TMEM132D: variants seen among roughly 807,000 people sequenced by gnomAD.
TMEM132D encodes transmembrane protein 132D, also known as mature OL transmembrane protein.
In TMEM132D, 21 loss-of-function variants were observed where a neutral mutation model predicts 62.3. The ratio of observed to expected loss-of-function variants is 0.34; its 90% CI spans 0.24 to 0.49. The LOEUF is 0.49. Ranked by LOEUF, TMEM132D falls within the 20% of genes least tolerant of loss-of-function variation. The pLI is 0.99. For synonymous variants in TMEM132D, 621 were observed against 575.6 expected, an observed-to-expected ratio of 1.08 and a Z score of -1.13; for missense variants, 1,346 against 1,402.8, an observed-to-expected ratio of 0.96 and a Z score of 0.65.
chr12:129,075,069 A>AAAATATGTAAGTTAATC lies in TMEM132D; in HGVS notation c.2116-27_2116-11dup, dbSNP rs758357966. The AAAATATGTAAGTTAATC allele has an allele frequency of 3.1e-6, 5 of 1,594,392 alleles. No individual in the cohort carries two copies. In the African/African-American group the frequency reaches 6.7e-5, roughly 21 times the overall value. On this transcript the variant is annotated splice_polypyrimidine_tract_variant and intron_variant, in intron 8 of 8. Coordinates refer to ENST00000422113, the MANE Select transcript of TMEM132D (RefSeq NM_133448.3). ...AACTGATGGCTGCTTCCTATGGAGA[A>AAAATATGTAAGTTAATC]AAATATGTAAGTTAATCAAATGGGC...
chr12:129,190,022 T>C (rs1055069709), intron 5 of TMEM132D, among the ~76,000 whole-genome samples: 1 of 151,648 alleles, frequency 6.6e-6, no homozygotes, highest in Non-Finnish European at 1.5e-5. Flanking sequence ...AAGTCAGAGA[T>C]GCAACACGGC....
chr12:129,245,483 G>C (rs190267025), intron 4 of TMEM132D, among the ~76,000 whole-genome samples: 1 of 151,396 alleles, frequency 6.6e-6, no homozygotes, highest in East Asian at 1.9e-4. Context: ...TTGCTTCCAA[G>C]TTTTGGCAAT....
intron 4 of TMEM132D, among the ~76,000 whole-genome samples, chr12:129,297,469 G>A (rs1334596100): frequency 6.6e-6 from 1 of 152,202 alleles, no homozygotes; most frequent in East Asian, 1.9e-4. Context: ...TGAGAAAGCA[G>A]GTCTGCAGAA....
intron 4 of TMEM132D, among the ~76,000 whole-genome samples, chr12:129,320,818 A>T (rs1868674943): frequency 1.3e-5 from 2 of 152,204 alleles, no homozygotes; most frequent in Non-Finnish European, 2.9e-5. Flanking sequence ...AGATTTGAAA[A>T]ATACATAAAT....
At chr12:129,801,720 T>C (rs1312624051) in intron 1 of TMEM132D, among the ~76,000 whole-genome samples, 1 of 150,892 alleles carries the variant, frequency 6.6e-6, no homozygotes. Flanking sequence ...GAAGAAGGCT[T>C]CAGACGATCA....
chr12:129,165,062 A>T (rs530252606), intron 5 of TMEM132D, among the ~76,000 whole-genome samples: 2 of 152,380 alleles, frequency 1.3e-5, no homozygotes, highest in South Asian at 4.1e-4. Context: ...CTATTGATTC[A>T]CAAAATAACA....
intron 1 of TMEM132D, among the ~76,000 whole-genome samples, chr12:129,732,177 C>T (rs1192934733): frequency 6.6e-6 from 1 of 152,104 alleles, no homozygotes; most frequent in African/African-American, 2.4e-5. Flanking sequence ...TTCCTCAGAT[C>T]GCATGGGGAA....
At chr12:129,384,317 A>G (rs1272156050) in intron 3 of TMEM132D, among the ~76,000 whole-genome samples, 2 of 152,260 alleles carry the variant, frequency 1.3e-5, no homozygotes, top group Non-Finnish European at 2.9e-5. Context: ...ATTGTGTCAC[A>G]GATGGATGGG....
intron 1 of TMEM132D, among the ~76,000 whole-genome samples, chr12:129,759,012 C>A (rs1870263292): frequency 6.6e-6 from 1 of 151,804 alleles, no homozygotes; most frequent in African/African-American, 2.4e-5. Flanking sequence ...CAGCTCACTG[C>A]AACCTCTGCC....
intron 1 of TMEM132D, among the ~76,000 whole-genome samples, chr12:129,804,806 C>CA: frequency 1.0e-5 from 1 of 97,030 alleles, no homozygotes; most frequent in South Asian, 4.2e-4. Flanking sequence ...TGTCTCAGCC[C>CA]AAAATCTCCT....
chr12:129,704,970 T>A (rs77239291), intron 1 of TMEM132D, among the ~76,000 whole-genome samples: 2 of 152,196 alleles, frequency 1.3e-5, no homozygotes, highest in East Asian at 3.9e-4. Flanking sequence ...TGGAAGAAGA[T>A]CCTGAAGTAT....
intron 3 of TMEM132D, among the ~76,000 whole-genome samples, chr12:129,513,746 A>T (rs1875568726): frequency 1.3e-5 from 2 of 150,618 alleles, no homozygotes; most frequent in South Asian, 4.2e-4. Context: ...CAGCCTCTCA[A>T]AGTGCTGGGA....
At chr12:129,097,099 C>A (rs1444679006) in intron 5 of TMEM132D, among the ~76,000 whole-genome samples, 1 of 152,226 alleles carries the variant, frequency 6.6e-6, no homozygotes, top group East Asian at 1.9e-4. Flanking sequence ...TTTCTCTGCC[C>A]CTGCCCTGTC....
At chr12:129,077,825 CAACACAA>C (rs1874322995) in intron 8 of TMEM132D, among the ~76,000 whole-genome samples, 1 of 151,960 alleles carries the variant, frequency 6.6e-6, no homozygotes. Context: ...ATGCAACACA[CAACACAA>C]AACAAGCAAC....
At chr12:129,407,359 G>C (rs1240042413) in intron 3 of TMEM132D, among the ~76,000 whole-genome samples, 2 of 152,046 alleles carry the variant, frequency 1.3e-5, no homozygotes, top group Non-Finnish European at 2.9e-5. Flanking sequence ...CAGAATTCTG[G>C]GATCCTTGGA....
chr12:129,844,506 T>C (rs1171253809), intron 1 of TMEM132D, among the ~76,000 whole-genome samples: 2 of 152,204 alleles, frequency 1.3e-5, no homozygotes, highest in Non-Finnish European at 2.9e-5. Flanking sequence ...CTATTAAAGA[T>C]TCCAGCAATT....
At chr12:129,477,029 T>C (rs1478295845) in intron 3 of TMEM132D, among the ~76,000 whole-genome samples, 2 of 152,212 alleles carry the variant, frequency 1.3e-5, no homozygotes, top group Non-Finnish European at 2.9e-5. Flanking sequence ...TTAATCATTT[T>C]TGGTTTACGA....
intron 2 of TMEM132D, among the ~76,000 whole-genome samples, chr12:129,606,156 C>T (rs980736472): frequency 6.6e-6 from 1 of 152,180 alleles, no homozygotes; most frequent in African/African-American, 2.4e-5. Context: ...GGGGTGCCTT[C>T]AGGGTAGAAC....
intron 4 of TMEM132D, among the ~76,000 whole-genome samples, chr12:129,331,979 G>A (rs1285228526): frequency 2.0e-5 from 3 of 152,230 alleles, no homozygotes; most frequent in African/African-American, 4.8e-5. Flanking sequence ...GGGAGGCAGA[G>A]GCGGGTGGAT....
Sources: gnomAD v4.1 joint callset for allele counts (sites outside exome capture counted in the v4.1 genomes callset) on GRCh38, gnomAD v4.1.1 for gene constraint, MANE v1.5 for transcripts, NCBI Gene and HGNC (gene_info 2026-07-23, HGNC 2026-07-21) for gene names.